KCNMA1: variants seen among roughly 807,000 people sequenced by gnomAD.
KCNMA1 encodes Calcium-activated potassium channel subunit alpha-1.
A neutral mutation model predicts 140.0 loss-of-function variants in KCNMA1; 29 were observed. The observed-to-expected ratio is 0.21, with a 90% CI of 0.15 to 0.28. KCNMA1 has a LOEUF of 0.28. KCNMA1 is among the 10% of genes least tolerant of loss of function. KCNMA1 has a pLI of 1.00. For missense variants in KCNMA1, 880 were observed against 1,602.2 expected (o/e 0.55, Z 7.70); for synonymous variants, 612 against 611.9 (o/e 1.00, Z 0.00).
At chr10:77,523,595 T>A (rs2054386006) in intron 1 of KCNMA1, among the ~76,000 whole-genome samples, 2 of 152,256 alleles carry the variant, frequency 1.3e-5, no homozygotes, top group African/African-American at 4.8e-5. Flanking sequence ...TCCAGGTAAG[T>A]GCTTATTTCA....
chr10:77,271,420 CAAAAAA>C (rs2065107562), intron 2 of KCNMA1, among the ~76,000 whole-genome samples: 1 of 152,058 alleles, frequency 6.6e-6, no homozygotes. Context: ...TCTCGTCTCA[CAAAAAA>C]GAAGCACAAG....
intron 10 of KCNMA1, among the ~76,000 whole-genome samples, chr10:77,088,470 C>T (rs747029750): frequency 7.3e-5 from 11 of 150,208 alleles, no homozygotes; most frequent in Non-Finnish European, 1.3e-4. Context: ...TTTTTGGAGA[C>T]AGGGACTGGA....
At chr10:77,478,468 G>A (rs557384843) in intron 1 of KCNMA1, among the ~76,000 whole-genome samples, 8 of 152,270 alleles carry the variant, frequency 5.3e-5, no homozygotes, top group South Asian at 2.1e-4. Flanking sequence ...TGAATGCTAC[G>A]GTGATTCTTA....
At chr10:77,020,666 AATCACGAGGGTGAAGTGTT>A (rs1288529371) in intron 16 of KCNMA1, 9 of 152,252 alleles carry the variant, frequency 5.9e-5, no homozygotes, top group Non-Finnish European at 2.9e-5. Flanking sequence ...GACTTCATGC[AATCACGAGGGTGAAGTGTT>A]AGAGCTCATA....
intron 2 of KCNMA1, among the ~76,000 whole-genome samples, chr10:77,326,812 G>T (rs971876324): frequency 6.6e-6 from 1 of 152,156 alleles, no homozygotes; most frequent in African/African-American, 2.4e-5. Context: ...TTGGGCCTCA[G>T]CTTCCTTAGC....
chr10:76,885,253 TTA>T lies in KCNMA1; in HGVS notation c.*2011_*2012del. ...TAATTATATAGTTATATATATATAA[TTA>T]TATATAGTTTATATAAAGAGATAGT... On this transcript the variant is annotated 3_prime_UTR_variant, in exon 28 of 28. Transcript: ENST00000286628. The T allele has an allele frequency of 2.0e-6, 1 of 496,788 alleles. No individual in the cohort carries two copies. The highest frequency in any genetic ancestry group is 2.6e-6 in the Non-Finnish European group (1 of 384,762). 30.8% of individuals were successfully genotyped at this position (496,788 alleles called of 1,614,324 possible).
intron 1 of KCNMA1, among the ~76,000 whole-genome samples, chr10:77,432,377 A>G (rs1488224127): frequency 6.6e-6 from 1 of 152,232 alleles, no homozygotes; most frequent in Admixed American, 6.5e-5. Context: ...AAAAACAAGC[A>G]GTCATCCTGC....
At chr10:77,254,142 C>T (rs1003156594) in intron 2 of KCNMA1, among the ~76,000 whole-genome samples, 1 of 151,828 alleles carries the variant, frequency 6.6e-6, no homozygotes, top group Non-Finnish European at 1.5e-5. Flanking sequence ...CCCAAATAGT[C>T]ACCTAAGTAT....
In KCNMA1 at chr10:77,108,154, C is replaced by A. The variant is rs1039347437; in HGVS notation, c.1223+327G>T. The A allele has an allele frequency of 4.3e-6, 3 of 700,160 alleles. No homozygotes were observed. In the South Asian group the frequency reaches 6.0e-5, roughly 14 times the overall value. 43.4% of individuals were successfully genotyped at this position (700,160 alleles called of 1,614,324 possible). ...TCCTCGGGTCACCTCTGACATCACACCCCATGCAGAAACTGGGCCTTCCCT... is the reference window on the plus strand; with the variant it reads ...TCCTCGGGTCACCTCTGACATCACAACCCATGCAGAAACTGGGCCTTCCCT... On this transcript the variant is annotated intron_variant, in intron 9 of 27. Transcript: ENST00000286628. The surrounding 1 kb of genome is among the most constrained non-coding windows in gnomAD (Gnocchi z 4.6).
intron 1 of KCNMA1, among the ~76,000 whole-genome samples, chr10:77,559,561 A>G (rs146295523): frequency 6.6e-6 from 1 of 152,204 alleles, no homozygotes; most frequent in Admixed American, 6.5e-5. Flanking sequence ...TCCACTGGGC[A>G]AGAAGGTGTC....
At chr10:77,184,486 G>A (rs1202449711) in intron 4 of KCNMA1, among the ~76,000 whole-genome samples, 1 of 152,168 alleles carries the variant, frequency 6.6e-6, no homozygotes, top group Non-Finnish European at 1.5e-5. Flanking sequence ...TCCCAAAGCT[G>A]GGATTACAGG....
At chr10:76,969,935 C>G (rs771041583) in intron 20 of KCNMA1, 39 bp downstream of exon 20, 5 of 1,509,452 alleles carry the variant, frequency 3.3e-6, no homozygotes, top group Non-Finnish European at 4.6e-6. Flanking sequence ...AAGAGAAGGG[C>G]TAAGAGGGAA....
In KCNMA1 at chr10:77,001,484, C is replaced by T; in HGVS notation, c.2189G>A (p.Gly730Asp). ...DCSCMSGRVR[G>D]NVDTLERAFP... ...GGCTCTCTCAAGGGTGTCCACGTTA[C>T]CACGCACACGGCCTGACATGCATGA... The change falls in exon 19 of 28, where the codon GGT becomes GAT. Residue 730 changes from glycine (G) to aspartate (D), a missense_variant. Gly to Asp is a moderately conservative substitution (Grantham distance 94). This residue lies in a region of KCNMA1 where 196 missense variants were observed against 233.0 expected (regional missense o/e 0.84). Coordinates refer to ENST00000286628, the MANE Select transcript of KCNMA1 (RefSeq NM_001161352.2). 1 of 1,551,978 alleles carries T rather than the reference C, an allele frequency of 6.4e-7. No individual in the cohort carries two copies. Among genetic ancestry groups the T allele is most frequent in the Non-Finnish European group, 8.7e-7 (1 of 1,147,010 alleles).
chr10:77,100,687 A>T (rs1249890394), intron 9 of KCNMA1, among the ~76,000 whole-genome samples: 2 of 152,254 alleles, frequency 1.3e-5, no homozygotes, highest in Non-Finnish European at 2.9e-5. Flanking sequence ...AAAGAAGTCC[A>T]GCAGAGTGAA....
At chr10:77,337,247 G>A (rs2089402585) in intron 2 of KCNMA1, among the ~76,000 whole-genome samples, 1 of 152,264 alleles carries the variant, frequency 6.6e-6, no homozygotes. Flanking sequence ...CTTTAGATGG[G>A]AAGACAAATA....
intron 1 of KCNMA1, among the ~76,000 whole-genome samples, chr10:77,514,928 G>A (rs1185032455): frequency 6.6e-6 from 1 of 151,734 alleles, no homozygotes; most frequent in Non-Finnish European, 1.5e-5. Flanking sequence ...CAGTAATACA[G>A]CCTAGGGCCC....
chr10:77,046,704 T>C (rs2095077498), intron 14 of KCNMA1, among the ~76,000 whole-genome samples: 1 of 152,236 alleles, frequency 6.6e-6, no homozygotes, highest in African/African-American at 2.4e-5. Context: ...CCAGTTTTTA[T>C]CAAAGGGCAT....
intron 23 of KCNMA1, among the ~76,000 whole-genome samples, chr10:76,920,020 G>GTGTGTGTATATA (rs1177257916): frequency 5.8e-5 from 2 of 34,430 alleles, no homozygotes; most frequent in South Asian, 1.2e-3. Flanking sequence ...GTGTGTGTGT[G>GTGTGTGTATATA]TATATATATA....
At chr10:77,506,966 G>A (rs1409521658) in intron 1 of KCNMA1, among the ~76,000 whole-genome samples, 2 of 151,504 alleles carry the variant, frequency 1.3e-5, no homozygotes, top group Non-Finnish European at 2.9e-5. Context: ...CCTCTCTCTG[G>A]CTCAGTGTTT....
Sources: allele counts gnomAD v4.1 joint callset (sites outside exome capture counted in the v4.1 genomes callset), GRCh38; gene constraint gnomAD v4.1.1; regional missense constraint gnomAD v4.1.1; non-coding constraint Gnocchi (gnomAD v3.1); transcripts MANE v1.5; gene names NCBI Gene and HGNC (gene_info 2026-07-23, HGNC 2026-07-21).